AKAP13: variants seen among roughly 807,000 people sequenced by gnomAD.
AKAP13 encodes the protein A-kinase anchor protein 13.
In AKAP13, 80 loss-of-function variants were observed where a neutral mutation model predicts 264.5. The observed-to-expected ratio is 0.30, with a 90% CI of 0.25 to 0.36. The LOEUF is 0.36. AKAP13 is among the 10% of genes least tolerant of loss of function. The probability of loss-of-function intolerance (pLI) is 1.00; values close to 1 mark genes in which losing one functional copy is unlikely to be tolerated. For synonymous variants in AKAP13, 1,380 were observed against 1,250.2 expected, an observed-to-expected ratio of 1.10 and a Z score of -2.19; for missense variants, 3,712 against 3,435.2, an observed-to-expected ratio of 1.08 and a Z score of -2.01.
chr15:85,437,283 C>G (rs924139362), intron 1 of AKAP13, among the ~76,000 whole-genome samples: 1 of 151,130 alleles, frequency 6.6e-6, no homozygotes, highest in Admixed American at 6.6e-5. Flanking sequence ...GAAGTTGAAT[C>G]TCTGAATAGA....
chr15:85,520,498 CAAAAAAAAAAAA>C (rs71468111), intron 2 of AKAP13, among the ~76,000 whole-genome samples: 19,504 of 72,568 alleles, frequency 0.27, 1,870 homozygotes, highest in South Asian at 0.53. Context: ...AACTCCGTCT[CAAAAAAAAAAAA>C]AAAAAAAAAA....
In AKAP13 at chr15:85,693,320, A is replaced by T. The variant is rs2085392881; in HGVS notation, c.5333A>T (p.Asp1778Val). 1 of 1,609,454 alleles carries T rather than the reference A, an allele frequency of 6.2e-7. No individual in the cohort carries two copies. Among genetic ancestry groups the T allele is most frequent in the Non-Finnish European group, 8.5e-7 (1 of 1,179,010 alleles). The change falls in exon 17 of 37, where the codon GAT (aspartate) becomes GTT (valine). Residue 1778 changes from aspartate to valine, a missense_variant. Around this residue, in one of 3 missense-constraint regions of AKAP13, gnomAD observed 2,759 missense variants for 2,411.7 expected, o/e 1.14. Coordinates refer to ENST00000394518, the MANE Select transcript of AKAP13 (RefSeq NM_007200.5). The stretch of plus-strand genomic sequence containing the variant: ...GATAAGATTAAGGAGAAGGAGAAAG[A>T]TTCTAAAGACAAGGAGAAAGATAAG... ...EKDKIKEKEK[D>V]SKDKEKDKKT... is the part of the protein sequence containing the mutation.
intron 3 of AKAP13, among the ~76,000 whole-genome samples, chr15:85,532,840 G>C (rs1322528036): frequency 6.6e-6 from 1 of 152,192 alleles, no homozygotes; most frequent in East Asian, 1.9e-4. Flanking sequence ...GTGCCTGCCA[G>C]TCTGTACACT....
Position 85,687,552 on chromosome 15 carries a change from C to G in AKAP13, c.5289+2679C>G, listed in dbSNP as rs567431982. 2.0e-5 allele frequency among the ~76,000 whole-genome samples: 3 copies of G among 152,172 alleles called. No individual in the cohort carries two copies. The East Asian group carries it at 5.8e-4, about 29-fold the overall frequency. ...GCTTCAAGATTTGATCTCTTGGGGT[C>G]GTGCTGTCTTTAGCAGTGGAAACTC... On this transcript the variant is annotated intron_variant, in intron 16 of 36. Coordinates refer to ENST00000394518, the MANE Select transcript of AKAP13 (RefSeq NM_007200.5).
Position 85,693,342 on chromosome 15 carries a change from T to A in AKAP13, c.5355T>A (p.Asp1785Glu). Residue 1785 changes from aspartate (D) to glutamate (E), a missense_variant, in exon 17 of 37, where the codon GAT (aspartate) becomes GAA (glutamate). This residue lies in a region of AKAP13 where 2,759 missense variants were observed against 2,411.7 expected (regional missense o/e 1.14). Transcript: ENST00000394518. ...KEKDSKDKEKDKKTVNGHTFS... is the reference protein window; with the variant it reads ...KEKDSKDKEKEKKTVNGHTFS... ...AAGATTCTAAAGACAAGGAGAAAGATAAGAAGACTGTCAACGGGCACACTT... is the reference window on the plus strand; with the variant it reads ...AAGATTCTAAAGACAAGGAGAAAGAAAAGAAGACTGTCAACGGGCACACTT... 6.2e-7 allele frequency: 1 copy of A among 1,613,708 alleles called. No homozygotes were observed.
chr15:85,431,369 ATTAT>A (rs1199432844), intron 1 of AKAP13, among the ~76,000 whole-genome samples: 1 of 152,186 alleles, frequency 6.6e-6, no homozygotes, highest in Non-Finnish European at 1.5e-5. Flanking sequence ...CTCTAGGCAA[ATTAT>A]TTATGCTCCC....
intron 8 of AKAP13, among the ~76,000 whole-genome samples, chr15:85,602,829 T>C (rs1018673440): frequency 6.6e-6 from 1 of 152,220 alleles, no homozygotes; most frequent in Non-Finnish European, 1.5e-5. Context: ...CATAATTTTG[T>C]AAAATCCTAC....
intron 16 of AKAP13, among the ~76,000 whole-genome samples, chr15:85,688,130 A>G (rs1475817930): frequency 6.6e-6 from 1 of 152,112 alleles, no homozygotes; most frequent in Non-Finnish European, 1.5e-5. Flanking sequence ...ATGTATCTGC[A>G]TAGCATTTTA....
intron 1 of AKAP13, among the ~76,000 whole-genome samples, chr15:85,470,524 T>C (rs1185160026): frequency 6.6e-6 from 1 of 152,238 alleles, no homozygotes; most frequent in African/African-American, 2.4e-5. Flanking sequence ...TATAGAGGAA[T>C]AATCTGACAC....
At chr15:85,420,516 C>T (rs2072474784) in intron 1 of AKAP13, among the ~76,000 whole-genome samples, 1 of 152,032 alleles carries the variant, frequency 6.6e-6, no homozygotes, top group African/African-American at 2.4e-5. Flanking sequence ...ATTAGTTGAC[C>T]ATACCATGAG....
chr15:85,546,838 G>C (rs1005433506), intron 5 of AKAP13, among the ~76,000 whole-genome samples: 2 of 151,642 alleles, frequency 1.3e-5, no homozygotes, highest in South Asian at 2.1e-4. Context: ...CTGCCTCCCA[G>C]GCTCAAGCAA....
intron 30 of AKAP13, among the ~76,000 whole-genome samples, chr15:85,731,021 T>TG (rs1296497430): frequency 1.5e-4 from 19 of 130,190 alleles, no homozygotes; most frequent in African/African-American, 4.2e-4. Flanking sequence ...TTTTTTTTTT[T>TG]GGCAGGATCT....
In AKAP13 at chr15:85,658,550, C is replaced by T. The variant is rs2083202658; in HGVS notation, c.4759C>T (p.Leu1587Phe). 6.2e-7 allele frequency: 1 copy of T among 1,613,782 alleles called. No homozygotes were observed. Among genetic ancestry groups the T allele is most frequent in the Non-Finnish European group, 8.5e-7 (1 of 1,179,914 alleles). The change falls in exon 12 of 37, where the codon CTT (leucine) becomes TTT (phenylalanine). Residue 1587 changes from leucine to phenylalanine, a missense_variant. Coordinates refer to ENST00000394518, the MANE Select transcript of AKAP13 (RefSeq NM_007200.5). ...EMNHRSSMRV[L>F]GDVVRRPPIH... Reference sequence around the variant, plus strand: ...ATTCATTTTCAGTTCAATGCGAGTTCTTGGGGATGTTGTCAGGAGACCTCC... The same window carrying T: ...ATTCATTTTCAGTTCAATGCGAGTTTTTGGGGATGTTGTCAGGAGACCTCC...
Position 85,744,911 on chromosome 15 carries a change from T to C in AKAP13, c.*234T>C, listed in dbSNP as rs968151048. 5.4e-5 allele frequency: 25 copies of C among 463,376 alleles called. No individual in the cohort carries two copies. Among genetic ancestry groups the C allele is most frequent in the Admixed American group, 3.1e-4 (8 of 25,712 alleles). The allele number at this position is 463,376 out of a possible 1,614,324, so 28.7% of individuals were successfully genotyped here. ...TTTGTGACTGCCCAGGACTCTCAGGTTGGGCTGGCCCTACTCAGGATTACA... is the reference window on the plus strand; with the variant it reads ...TTTGTGACTGCCCAGGACTCTCAGGCTGGGCTGGCCCTACTCAGGATTACA... On this transcript the variant is annotated 3_prime_UTR_variant, in exon 37 of 37. Transcript: ENST00000394518.
rs56712329 is a variant in AKAP13 at position 85,397,459 on chromosome 15, T to C, written c.-12+16661T>C. Among the ~76,000 whole-genome samples the C allele has an allele frequency of 3.8e-4, 58 of 152,344 alleles. No homozygotes were observed. The East Asian group carries it at 0.011, about 29-fold the overall frequency. ...TAAAGGTAATGGTTCATCTGTGAGA[T>C]ACCTCGGGACTCAAATACTAATTCA... On this transcript the variant is annotated intron_variant, in intron 1 of 36. Transcript: ENST00000394518.
chr15:85,465,852 C>A (rs1476305779), intron 1 of AKAP13, among the ~76,000 whole-genome samples: 27 of 149,470 alleles, frequency 1.8e-4, no homozygotes, highest in African/African-American at 5.9e-4. Flanking sequence ...ATTTATAGTC[C>A]TTTGGGTATA....
At chr15:85,393,956 G>A (rs1247834836) in intron 1 of AKAP13, among the ~76,000 whole-genome samples, 1 of 152,172 alleles carries the variant, frequency 6.6e-6, no homozygotes, top group Admixed American at 6.5e-5. Context: ...TTCCATGTTT[G>A]TGCCTTGAAA....
chr15:85,562,672 CTTTCTTTTCT>C (rs1182740449), intron 5 of AKAP13, among the ~76,000 whole-genome samples: 52 of 111,994 alleles, frequency 4.6e-4, no homozygotes, highest in Non-Finnish European at 8.5e-4. Flanking sequence ...CTTTCCTTTT[CTTTCTTTTCT>C]TTTCTTTTCT....
At position 85,580,138 on chromosome 15, in the gene AKAP13, C is replaced by G. The variant is rs369470013; in HGVS notation, c.2070C>G (p.Ser690=). ...TGTGTGATAACATAGTTAGCGAGTC[C>G]GAAAGCACCACAGCAAGGCAACCCA... The part of the protein sequence containing the change: ...AKLCDNIVSE[S]ESTTARQPSS... Residue 690 remains serine, a synonymous_variant, in exon 7 of 37, where the codon TCC becomes TCG. Transcript: ENST00000394518. 6.2e-7 allele frequency: 1 copy of G among 1,614,110 alleles called. No individual in the cohort carries two copies. Among genetic ancestry groups the G allele is most frequent in the Non-Finnish European group, 8.5e-7 (1 of 1,180,024 alleles).
Sources: gnomAD v4.1 joint callset for allele counts (sites outside exome capture counted in the v4.1 genomes callset) on GRCh38, gnomAD v4.1.1 for gene constraint, gnomAD v4.1.1 regional missense constraint, MANE v1.5 for transcripts, NCBI Gene and HGNC (gene_info 2026-07-23, HGNC 2026-07-21) for gene names.